The following LMBR1 variants were observed in gnomAD, a reference collection of about 807,000 sequenced individuals.
LMBR1 encodes the protein limb region 1 protein homolog.
LMBR1 carries 52 observed loss-of-function variants against 73.9 expected under a neutral mutation model. The observed-to-expected ratio is 0.70, with a 90% confidence interval of 0.56 to 0.89. The LOEUF is 0.89. Ranked by LOEUF, LMBR1 falls within the 40% of genes least tolerant of loss-of-function variation. LMBR1 has a pLI of 0.00. For synonymous variants in LMBR1, 215 were observed against 209.4 expected (o/e 1.03, Z -0.23); for missense variants, 539 against 579.8 (o/e 0.93, Z 0.72).
intron 16 of LMBR1, among the ~76,000 whole-genome samples, chr7:156,687,554 G>T (rs1806243114): frequency 6.6e-6 from 1 of 152,140 alleles, no homozygotes; most frequent in Non-Finnish European, 1.5e-5. Context: ...TCAATGCCAA[G>T]AATGCTAACG....
rs1585170816 is a variant in LMBR1, at chr7:156,683,664, G to A, written c.*414C>T. ...ATAAGCTTCACTTAGTACCAAGGATGCCTTTCAAGTCAGCTTCTACATTCT... is the reference window on the plus strand; with the variant it reads ...ATAAGCTTCACTTAGTACCAAGGATACCTTTCAAGTCAGCTTCTACATTCT... On this transcript the variant is annotated 3_prime_UTR_variant, in exon 17 of 17. Transcript: ENST00000353442. The A allele has an allele frequency of 6.4e-6, 1 of 156,312 alleles. No homozygotes were observed. The highest frequency in any genetic ancestry group is 1.4e-5 in the Non-Finnish European group (1 of 70,954). 9.7% of individuals were successfully genotyped at this position (156,312 alleles called of 1,614,324 possible). A position where few individuals can be genotyped will look rare whatever the true frequency, so the allele number is the denominator to read the frequency against.
At chr7:156,814,300 T>C (rs1021100752) in intron 4 of LMBR1, among the ~76,000 whole-genome samples, 2 of 152,198 alleles carry the variant, frequency 1.3e-5, no homozygotes, top group African/African-American at 4.8e-5. Flanking sequence ...AAAAAGAATA[T>C]ATTAGTTTAG....
intron 1 of LMBR1, chr7:156,872,322 C>T (rs946205462): frequency 6.6e-6 from 1 of 152,010 alleles, no homozygotes; most frequent in Admixed American, 6.6e-5. Flanking sequence ...GTAAAACAAT[C>T]TCATTTACAA....
Position 156,686,804 on chromosome 7 carries a change from A to C in LMBR1, c.1387+1226T>G, listed in dbSNP as rs1216932786. 2.0e-5 allele frequency among the ~76,000 whole-genome samples: 3 copies of C among 152,258 alleles called. No individual in the cohort carries two copies. The South Asian group carries it at 6.2e-4, about 31-fold the overall frequency. ...AATTTATCTGAAACCATGGCTAACT[A>C]ATCTTGCTGATATTATAACAGGCTT... is the stretch of plus-strand genomic sequence containing the variant. On this transcript the variant is annotated intron_variant, in intron 16 of 16. Coordinates refer to ENST00000353442, the MANE Select transcript of LMBR1 (RefSeq NM_022458.4).
At chr7:156,852,889 C>T (rs1321403918) in intron 1 of LMBR1, among the ~76,000 whole-genome samples, 2 of 151,886 alleles carry the variant, frequency 1.3e-5, no homozygotes, top group African/African-American at 2.4e-5. Flanking sequence ...AGAAGATAAG[C>T]ACAGAAGTAA....
chr7:156,737,945 C>T (rs1221365714), intron 9 of LMBR1, among the ~76,000 whole-genome samples: 2 of 152,136 alleles, frequency 1.3e-5, no homozygotes, highest in Admixed American at 6.5e-5. Flanking sequence ...AAGCCTCTAC[C>T]GATTGTCCCT....
intron 1 of LMBR1, among the ~76,000 whole-genome samples, chr7:156,841,863 C>A (rs757838288): frequency 6.6e-6 from 1 of 151,630 alleles, no homozygotes; most frequent in South Asian, 2.1e-4. Context: ...GGGATTGTGA[C>A]GTGTTTTTTT....
chr7:156,725,974 G>A, intron 12 of LMBR1, 137 bp from the exon 13 acceptor site: 1 of 627,532 alleles, frequency 1.6e-6, no homozygotes, highest in Non-Finnish European at 2.8e-6. Flanking sequence ...ACTTTCAAAG[G>A]CCAACAAGAC....
chr7:156,713,473 G>T (rs1269363774), intron 15 of LMBR1, among the ~76,000 whole-genome samples: 1 of 152,122 alleles, frequency 6.6e-6, no homozygotes, highest in Admixed American at 6.6e-5. Flanking sequence ...AGTGGGGAAG[G>T]CTCTGCATGT....
chr7:156,875,092 G>C (rs1799956868), intron 1 of LMBR1, among the ~76,000 whole-genome samples: 2 of 152,074 alleles, frequency 1.3e-5, no homozygotes, highest in South Asian at 4.1e-4. Flanking sequence ...GAAACAGACA[G>C]CATAAATAAA....
At chr7:156,834,986 A>G in intron 2 of LMBR1, among the ~76,000 whole-genome samples, 1 of 152,108 alleles carries the variant, frequency 6.6e-6, no homozygotes, top group African/African-American at 2.4e-5. Flanking sequence ...CTAGAAATAC[A>G]AAAATTAGCC....
intron 1 of LMBR1, among the ~76,000 whole-genome samples, chr7:156,858,072 CAA>C (rs764584626): frequency 2.9e-4 from 17 of 59,638 alleles, no homozygotes; most frequent in Non-Finnish European, 5.3e-4. Flanking sequence ...CCAAAGTAAG[CAA>C]AAAAAAAAAA....
chr7:156,767,142 C>G (rs996422249), intron 5 of LMBR1, among the ~76,000 whole-genome samples: 1 of 152,032 alleles, frequency 6.6e-6, no homozygotes, highest in Non-Finnish European at 1.5e-5. Flanking sequence ...TGGGGGTCTC[C>G]CTGTCCTTCA....
At chr7:156,878,820 G>C (rs1016623160) in intron 1 of LMBR1, among the ~76,000 whole-genome samples, 1 of 152,184 alleles carries the variant, frequency 6.6e-6, no homozygotes, top group African/African-American at 2.4e-5. Context: ...TAAGGCCGTA[G>C]TCTCCGAAAC....
At chr7:156,792,099 A>G (rs1489265576) in intron 5 of LMBR1, among the ~76,000 whole-genome samples, 1 of 152,204 alleles carries the variant, frequency 6.6e-6, no homozygotes, top group African/African-American at 2.4e-5. Flanking sequence ...ATACCTCCAG[A>G]GTTCCTTACA....
intron 5 of LMBR1, among the ~76,000 whole-genome samples, chr7:156,778,708 T>C (rs1038351869): frequency 6.6e-6 from 1 of 152,210 alleles, no homozygotes; most frequent in Non-Finnish European, 1.5e-5. Context: ...CTTGAGATCA[T>C]AAAAATATTA....
intron 8 of LMBR1, among the ~76,000 whole-genome samples, chr7:156,761,014 C>A (rs929654979): frequency 6.6e-6 from 1 of 152,192 alleles, no homozygotes; most frequent in Non-Finnish European, 1.5e-5. Context: ...GATATTTGAG[C>A]TAGGCCGTAG....
At chr7:156,826,275 CG>C (rs1835685425) in intron 4 of LMBR1, among the ~76,000 whole-genome samples, 1 of 152,122 alleles carries the variant, frequency 6.6e-6, no homozygotes, top group Admixed American at 6.5e-5. Flanking sequence ...CCACCACGCC[CG>C]GCCAGTTTTC....
intron 15 of LMBR1, among the ~76,000 whole-genome samples, chr7:156,707,154 C>A (rs906176950): frequency 6.6e-6 from 1 of 151,946 alleles, no homozygotes; most frequent in African/African-American, 2.4e-5. Context: ...AAATTACTGG[C>A]TAGAAACATA....
Sources: gnomAD v4.1 joint callset for allele counts (sites outside exome capture counted in the v4.1 genomes callset) on GRCh38, gnomAD v4.1.1 for gene constraint, MANE v1.5 for transcripts, NCBI Gene and HGNC (gene_info 2026-07-23, HGNC 2026-07-21) for gene names.